The following PCDHA7 variants were observed in gnomAD, a reference collection of about 807,000 sequenced individuals.
The protein encoded by PCDHA7 is protocadherin alpha-7.
A neutral mutation model predicts 57.2 loss-of-function variants in PCDHA7; 37 were observed. The ratio of observed to expected loss-of-function variants is 0.65; its 90% CI spans 0.50 to 0.85. The LOEUF (loss-of-function observed/expected upper bound fraction) is 0.85, where lower values mean the gene tolerates loss of function less well. PCDHA7 is among the 40% of genes least tolerant of loss of function. PCDHA7 has a pLI of 0.00. For missense variants in PCDHA7, 1,188 were observed against 1,241.8 expected, an observed-to-expected ratio of 0.96 and a Z score of 0.65; for synonymous variants, 553 against 558.8, an observed-to-expected ratio of 0.99 and a Z score of 0.15.
At chr5:140,884,066 G>C in intron 1 of PCDHA7, 3 of 1,613,514 alleles carry the variant, frequency 1.9e-6, no homozygotes, top group Non-Finnish European at 2.5e-6. Flanking sequence ...GGTGGACGCC[G>C]ATTCGGGCTA....
At chr5:140,843,457 G>C (rs2150360487) in intron 1 of PCDHA7, 4 of 1,596,058 alleles carry the variant, frequency 2.5e-6, no homozygotes, top group Admixed American at 1.7e-5. Flanking sequence ...GCCTGCTGGT[G>C]CTCACGCTGC....
At chr5:140,959,285 G>A (rs2095478960) in intron 1 of PCDHA7, among the ~76,000 whole-genome samples, 1 of 152,002 alleles carries the variant, frequency 6.6e-6, no homozygotes, top group African/African-American at 2.4e-5. Flanking sequence ...CCTGAGGTGG[G>A]AGCATCACTG....
At position 140,836,466 on chromosome 5, in the gene PCDHA7, G is replaced by T; in HGVS notation, c.2083G>T (p.Asp695Tyr). The T allele has an allele frequency of 6.2e-7, 1 of 1,613,862 alleles. No individual in the cohort carries two copies. The highest frequency in any genetic ancestry group is 8.5e-7 in the Non-Finnish European group (1 of 1,179,872). ...TGCAGGCCCAGAGACCGAGCTGGTG[G>T]ATGTCAACGTGTACCTGATCATCGC... ...GIAGPETELV[D>Y]VNVYLIIAIC... The change falls in exon 1 of 4, where the codon GAT (aspartate) becomes TAT (tyrosine). Residue 695 changes from aspartate (D) to tyrosine (Y), a missense_variant. Around this residue, in one of 3 missense-constraint regions of PCDHA7, gnomAD observed 892 missense variants for 788.5 expected, o/e 1.13. Coordinates refer to ENST00000525929, the MANE Select transcript of PCDHA7 (RefSeq NM_018910.3).
rs976941925 is a variant in PCDHA7, at chr5:140,854,525, C to T, written c.2355+17787C>T. 1.3e-5 allele frequency: 2 copies of T among 149,636 alleles called. 1 individual carries two copies. The highest frequency in any genetic ancestry group is 4.9e-5 in the African/African-American group (2 of 40,820). 9.3% of individuals were successfully genotyped at this position (149,636 alleles called of 1,614,324 possible). A position where few individuals can be genotyped will look rare whatever the true frequency, so the allele number is the denominator to read the frequency against. On this transcript the variant is annotated intron_variant, in intron 1 of 3. Transcript: ENST00000525929. ...CATAAACTGATGGATTAAGTGACAC[C>T]CATTTCTGTCAGTTTTCTTATTCAT...
chr5:140,967,287 A>G (rs1458692984), intron 1 of PCDHA7: 1 of 1,612,826 alleles, frequency 6.2e-7, no homozygotes, highest in Non-Finnish European at 8.5e-7. Flanking sequence ...AGTGCGCAGG[A>G]CCCCGACGTG....
At chr5:140,936,640 C>T (rs782162757) in intron 1 of PCDHA7, among the ~76,000 whole-genome samples, 2 of 152,208 alleles carry the variant, frequency 1.3e-5, no homozygotes, top group Non-Finnish European at 2.9e-5. Flanking sequence ...TCATAAGCAA[C>T]GTGACTTTAT....
At chr5:140,944,694 T>C (rs2093685448) in intron 1 of PCDHA7, among the ~76,000 whole-genome samples, 1 of 152,190 alleles carries the variant, frequency 6.6e-6, no homozygotes, top group African/African-American at 2.4e-5. Context: ...TTAATAACAG[T>C]AATTATCAGG....
At chr5:140,877,812 A>AGT (rs1199623134) in intron 1 of PCDHA7, 1 of 1,610,228 alleles carries the variant, frequency 6.2e-7, no homozygotes, top group East Asian at 2.2e-5. Context: ...AGCTGTCTCG[A>AGT]GAAGATTGTT....
At chr5:140,897,167 C>A (rs1271791310) in intron 1 of PCDHA7, among the ~76,000 whole-genome samples, 1 of 152,140 alleles carries the variant, frequency 6.6e-6, no homozygotes, top group Non-Finnish European at 1.5e-5. Flanking sequence ...TACTGTCTAT[C>A]TCCATGGGTT....
chr5:140,920,927 A>G (rs1350465462), intron 1 of PCDHA7, among the ~76,000 whole-genome samples: 1 of 151,716 alleles, frequency 6.6e-6, no homozygotes, highest in East Asian at 1.9e-4. Context: ...AGAGTAGGTG[A>G]TCTAGCCCTT....
rs1465099022 is a variant in PCDHA7 at position 140,850,419 on chromosome 5, G to T, written c.2355+13681G>T. 7.5e-6 allele frequency: 12 copies of T among 1,597,838 alleles called. 2 individuals carry two copies. Among genetic ancestry groups the T allele is most frequent in the Non-Finnish European group, 9.4e-6 (11 of 1,167,742 alleles). On this transcript the variant is annotated intron_variant, in intron 1 of 3. Coordinates refer to ENST00000525929, the MANE Select transcript of PCDHA7 (RefSeq NM_018910.3). ...AACGCGTGCCCTGGACGAAACGGAC[G>T]CACCGCGCCAGCGCCTACTGGTGCT...
At chr5:140,860,697 ATTG>A (rs1191589465) in intron 1 of PCDHA7, 2 of 152,170 alleles carry the variant, frequency 1.3e-5, no homozygotes, top group African/African-American at 4.8e-5. Context: ...GCGACAGGAT[ATTG>A]TTGTTCTCCA....
intron 1 of PCDHA7, chr5:140,865,380 G>C (rs1429077853): frequency 6.6e-6 from 1 of 152,142 alleles, no homozygotes; most frequent in Non-Finnish European, 1.5e-5. Context: ...TTATAGGTAG[G>C]GTAAAGTTAA....
chr5:140,923,256 TAGTG>T (rs2153568044), intron 1 of PCDHA7, among the ~76,000 whole-genome samples: 1 of 152,302 alleles, frequency 6.6e-6, no homozygotes, highest in African/African-American at 2.4e-5. Context: ...CTGGGCAACA[TAGTG>T]AGACCTTGTC....
At position 140,879,675 on chromosome 5, in the gene PCDHA7, G is replaced by T. The variant is rs141369145; in HGVS notation, c.2355+42937G>T. ...TATAACAAACGAACACAAACTGGGT[G>T]CTGTAAAACAGCAAAAGTTTATTAT... On this transcript the variant is annotated intron_variant, in intron 1 of 3. Transcript: ENST00000525929. 5.3e-5 allele frequency among the ~76,000 whole-genome samples: 8 copies of T among 152,360 alleles called. No homozygotes were observed. The East Asian group carries it at 1.3e-3, about 26-fold the overall frequency.
chr5:140,852,133 A>G, intron 1 of PCDHA7: 1 of 888,968 alleles, frequency 1.1e-6, no homozygotes, highest in Non-Finnish European at 1.4e-6. Context: ...AAAACTCAGT[A>G]GAGAAAGATC....
chr5:140,907,761 T>C (rs1554193135), intron 1 of PCDHA7, among the ~76,000 whole-genome samples: 4 of 152,182 alleles, frequency 2.6e-5, no homozygotes, highest in African/African-American at 9.7e-5. Flanking sequence ...ATGGGCCCAT[T>C]GGGTGATGAC....
At chr5:140,951,247 A>G (rs185452142) in intron 1 of PCDHA7, among the ~76,000 whole-genome samples, 1 of 152,230 alleles carries the variant, frequency 6.6e-6, no homozygotes, top group Non-Finnish European at 1.5e-5. Context: ...TTAGGAATGC[A>G]TCACATTTTT....
chr5:141,010,499 T>C lies in PCDHA7; in HGVS notation c.*562T>C. ...GTGTAAACTTAAAGGGACCAGACTTTCTAAATCTTACAACTCAAGAGGTGG... is the reference window on the plus strand; with the variant it reads ...GTGTAAACTTAAAGGGACCAGACTTCCTAAATCTTACAACTCAAGAGGTGG... On this transcript the variant is annotated 3_prime_UTR_variant, in exon 4 of 4. Coordinates refer to ENST00000525929, the MANE Select transcript of PCDHA7 (RefSeq NM_018910.3). 1.7e-6 allele frequency: 1 copy of C among 586,170 alleles called. No individual in the cohort carries two copies. Among genetic ancestry groups the C allele is most frequent in the Non-Finnish European group, 2.7e-6 (1 of 372,458 alleles). 36.3% of individuals were successfully genotyped at this position (586,170 alleles called of 1,614,324 possible).
Sources: gnomAD v4.1 joint callset for allele counts (sites outside exome capture counted in the v4.1 genomes callset) on GRCh38, gnomAD v4.1.1 for gene constraint, gnomAD v4.1.1 regional missense constraint, MANE v1.5 for transcripts, NCBI Gene and HGNC (gene_info 2026-07-23, HGNC 2026-07-21) for gene names.